The following TBL1X variants were observed in gnomAD, a reference collection of about 807,000 sequenced individuals.
TBL1X encodes F-box-like/WD repeat-containing protein TBL1X.
TBL1X carries 10 observed loss-of-function variants against 50.7 expected under a neutral mutation model. The observed-to-expected ratio is 0.20, with a 90% CI of 0.12 to 0.33. TBL1X has a LOEUF of 0.33. TBL1X is among the 10% of genes least tolerant of loss of function. The pLI is 1.00. For synonymous variants in TBL1X, 190 were observed against 214.7 expected (o/e 0.88, Z 1.01); for missense variants, 340 against 504.4 (o/e 0.67, Z 3.12).
At chrX:9,661,793 G>A (rs1016733009) in intron 5 of TBL1X, among the ~76,000 whole-genome samples, 3 of 111,315 alleles carry the variant, frequency 2.7e-5, no homozygotes, top group Admixed American at 9.5e-5. Flanking sequence ...CGTGGGTCTC[G>A]GTTAGAGTGA....
At chrX:9,678,592 C>G (rs1227054510) in intron 5 of TBL1X, among the ~76,000 whole-genome samples, 1 of 112,579 alleles carries the variant, frequency 8.9e-6, no homozygotes, top group Non-Finnish European at 1.9e-5. Flanking sequence ...CAAATTGATA[C>G]CCTTGGTATT....
rs190995857 is a variant in TBL1X, at chrX:9,674,548, G to A, written c.212-9495G>A. On this transcript the variant is annotated intron_variant, in intron 5 of 17. Coordinates refer to ENST00000645353, the MANE Select transcript of TBL1X (RefSeq NM_005647.4). ...AAAAGTGCTGGGATTACAAGTGTGA[G>A]TCACTGCGCCTGACCTATTTATTGT... Among the ~76,000 whole-genome samples, 688 of 110,752 alleles carry A rather than the reference G, an allele frequency of 6.2e-3. 6 individuals are homozygous for A. Among genetic ancestry groups the A allele is most frequent in the African/African-American group, 0.021 (652 of 30,396 alleles).
chrX:9,713,421 C>CTTTTTTTTTT lies in TBL1X; in HGVS notation c.1606-1477_1606-1476insTTTTTTTTTT, dbSNP rs757107084. On this transcript the variant is annotated intron_variant, in intron 16 of 17. Transcript: ENST00000645353. ...TTATAAATCAAAGAAATCCTTAGGA[C>CTTTTTTTTTT]TTTTCTTTTTTTTTTTTTTTTTTGG... Among the ~76,000 whole-genome samples, 9 of 87,567 alleles carry CTTTTTTTTTT rather than the reference C, an allele frequency of 1.0e-4. 1 individual carries two copies. Among genetic ancestry groups the CTTTTTTTTTT allele is most frequent in the African/African-American group, 9.3e-5 (2 of 21,546 alleles). The allele number at this position is 87,567 out of a possible 115,157, so 76.0% of individuals were successfully genotyped here. A position where few individuals can be genotyped will look rare whatever the true frequency, so the allele number is the denominator to read the frequency against.
At chrX:9,705,266 A>G in intron 13 of TBL1X, 152 bp downstream of exon 13, 6 of 989,592 alleles carry the variant, frequency 6.1e-6, no homozygotes, top group Non-Finnish European at 8.3e-6. Context: ...CCCCATGGTA[A>G]CCATGGTGGT....
chrX:9,580,960 C>T (rs2082438080), intron 2 of TBL1X, among the ~76,000 whole-genome samples: 1 of 111,625 alleles, frequency 9.0e-6, no homozygotes, highest in Admixed American at 9.4e-5. Flanking sequence ...GCATGCTTGA[C>T]CCCCACTTCC....
rs967606296 is a variant in TBL1X, at chrX:9,713,628, A to G, written c.1606-1274A>G. ...TTTTTAGTACAAACGGGGTCTCACC[A>G]TGTTGGCCAGGCTGGTGTTGAACTC... On this transcript the variant is annotated intron_variant, in intron 16 of 17. Transcript: ENST00000645353. 3.7e-5 allele frequency among the ~76,000 whole-genome samples: 4 copies of G among 109,388 alleles called. No individual in the cohort carries two copies. The Admixed American group carries it at 3.9e-4, about 11-fold the overall frequency. The allele number at this position is 109,388 out of a possible 115,157, so 95.0% of individuals were successfully genotyped here.
At chrX:9,605,554 G>A (rs768212656) in intron 2 of TBL1X, among the ~76,000 whole-genome samples, 1 of 112,429 alleles carries the variant, frequency 8.9e-6, no homozygotes, top group East Asian at 2.8e-4. Context: ...ACTTTAAGCA[G>A]GGGCTTTTCT....
intron 2 of TBL1X, among the ~76,000 whole-genome samples, chrX:9,558,390 A>G (rs1292609465): frequency 9.1e-6 from 1 of 110,443 alleles, no homozygotes; most frequent in Non-Finnish European, 1.9e-5. Flanking sequence ...AGTGGTGCAC[A>G]CCTGTAATCC....
intron 2 of TBL1X, among the ~76,000 whole-genome samples, chrX:9,558,728 G>A (rs1048048400): frequency 2.0e-4 from 22 of 110,630 alleles, no homozygotes; most frequent in African/African-American, 6.3e-4. Flanking sequence ...ATGTCCATGT[G>A]TTTACAATAT....
At chrX:9,490,037 G>A (rs2081932668) in intron 1 of TBL1X, among the ~76,000 whole-genome samples, 1 of 111,554 alleles carries the variant, frequency 9.0e-6, no homozygotes, top group African/African-American at 3.3e-5. Context: ...TGAGATCATG[G>A]CTCACTGGTG....
At chrX:9,613,997 A>AAG (rs1419754587) in intron 2 of TBL1X, among the ~76,000 whole-genome samples, 1 of 108,991 alleles carries the variant, frequency 9.2e-6, no homozygotes, top group African/African-American at 3.3e-5. Flanking sequence ...AAAAAAAAAA[A>AAG]AAAAAAGAAA....
intron 2 of TBL1X, among the ~76,000 whole-genome samples, chrX:9,585,328 A>ACCCCCCCCCCCCCCCCCCCCCCC (rs1262756915): frequency 1.8e-5 from 1 of 54,664 alleles, no homozygotes; most frequent in Admixed American, 2.2e-4. Flanking sequence ...GCTCCATGCC[A>ACCCCCCCCCCCCCCCCCCCCCCC]CCCCCCTCCC....
At chrX:9,699,327 A>G (rs1164400550) in intron 12 of TBL1X, among the ~76,000 whole-genome samples, 1 of 111,724 alleles carries the variant, frequency 9.0e-6, no homozygotes, top group Non-Finnish European at 1.9e-5. Context: ...ACAAAGACAG[A>G]TGGCCACCCG....
chrX:9,563,859 A>T (rs2082335530), intron 2 of TBL1X, among the ~76,000 whole-genome samples: 1 of 112,625 alleles, frequency 8.9e-6, no homozygotes, highest in Non-Finnish European at 1.9e-5. Context: ...CTAGGGGGCA[A>T]TGCAGAAAAA....
At chrX:9,560,878 C>T (rs1333611917) in intron 2 of TBL1X, among the ~76,000 whole-genome samples, 1 of 111,939 alleles carries the variant, frequency 8.9e-6, no homozygotes, top group Non-Finnish European at 1.9e-5. Flanking sequence ...CCAACTCCTT[C>T]CACCACCCAA....
intron 5 of TBL1X, among the ~76,000 whole-genome samples, chrX:9,665,017 T>C (rs994569832): frequency 2.7e-5 from 3 of 111,080 alleles, no homozygotes; most frequent in Non-Finnish European, 5.7e-5. Flanking sequence ...AGGATTTTTT[T>C]TTCCTTCCAA....
At chrX:9,573,441 C>T (rs1303354989) in intron 2 of TBL1X, among the ~76,000 whole-genome samples, 3 of 112,479 alleles carry the variant, frequency 2.7e-5, no homozygotes, top group Admixed American at 9.4e-5. Context: ...TCACTTTGCA[C>T]GCTGTAGCTA....
chrX:9,606,652 C>T (rs2082584876), intron 2 of TBL1X, among the ~76,000 whole-genome samples: 1 of 111,519 alleles, frequency 9.0e-6, no homozygotes, highest in Non-Finnish European at 1.9e-5. Context: ...GCACTCCAGC[C>T]TAGGTGACAG....
At chrX:9,708,128 T>C (rs1030304641) in intron 13 of TBL1X, among the ~76,000 whole-genome samples, 10 of 111,944 alleles carry the variant, frequency 8.9e-5, no homozygotes, top group African/African-American at 2.6e-4. Context: ...GTACGCCATG[T>C]CCCCTCATTT....
Sources: gnomAD v4.1 joint callset for allele counts (sites outside exome capture counted in the v4.1 genomes callset) on GRCh38, gnomAD v4.1.1 for gene constraint, MANE v1.5 for transcripts, NCBI Gene and HGNC (gene_info 2026-07-23, HGNC 2026-07-21) for gene names.